PLCB4: variants seen among roughly 807,000 people sequenced by gnomAD.
The protein encoded by PLCB4 is phospholipase C beta 4.
A neutral mutation model predicts 178.8 loss-of-function variants in PLCB4; 77 were observed. That is an observed-to-expected ratio of 0.43 (90% CI 0.36 to 0.52). The LOEUF is 0.52. PLCB4 is among the 20% of genes least tolerant of loss of function. The pLI is 0.00. For synonymous variants in PLCB4, 496 were observed against 490.8 expected (o/e 1.01, Z -0.14); for missense variants, 1,024 against 1,453.4 (o/e 0.70, Z 4.80).
intron 12 of PLCB4, among the ~76,000 whole-genome samples, chr20:9,375,726 C>T (rs2036611851): frequency 6.6e-6 from 1 of 152,148 alleles, no homozygotes; most frequent in African/African-American, 2.4e-5. Flanking sequence ...GTCCTAGTCT[C>T]ATTTGCAGAT....
chr20:9,257,197 G>A (rs189767240), intron 3 of PLCB4, among the ~76,000 whole-genome samples: 7 of 152,290 alleles, frequency 4.6e-5, no homozygotes, highest in Middle Eastern at 3.4e-3. Context: ...TGGAAACAGG[G>A]CATGTAACTT....
At chr20:9,177,781 T>G (rs1052886613) in intron 2 of PLCB4, among the ~76,000 whole-genome samples, 1 of 152,236 alleles carries the variant, frequency 6.6e-6, no homozygotes, top group Non-Finnish European at 1.5e-5. Context: ...TCAGCGATTC[T>G]TAAGGGATTA....
At chr20:9,139,056 C>G (rs2146858296) in intron 2 of PLCB4, among the ~76,000 whole-genome samples, 1 of 152,196 alleles carries the variant, frequency 6.6e-6, no homozygotes, top group East Asian at 1.9e-4. Flanking sequence ...GGGAGAGGAA[C>G]AAAGTCCAGT....
intron 2 of PLCB4, among the ~76,000 whole-genome samples, chr20:9,114,817 T>G (rs183160743): frequency 6.6e-6 from 1 of 152,340 alleles, no homozygotes; most frequent in Non-Finnish European, 1.5e-5. Flanking sequence ...CATTTCTTCC[T>G]GTCAAAGCAC....
intron 7 of PLCB4, among the ~76,000 whole-genome samples, chr20:9,355,293 G>GTAT (rs905926879): frequency 8.6e-5 from 13 of 151,012 alleles, no homozygotes; most frequent in African/African-American, 1.7e-4. Flanking sequence ...TTTATATTTT[G>GTAT]TATTATTATT....
rs1327034536 is a variant in PLCB4 at position 9,338,032 on chromosome 20, C to T, written c.190C>T (p.Leu64Phe). The T allele has an allele frequency of 5.0e-6, 8 of 1,611,968 alleles. No homozygotes were observed. Among genetic ancestry groups the T allele is most frequent in the South Asian group, 3.3e-5 (3 of 91,042 alleles). The part of the protein sequence containing the change: ...GKEGQVLECS[L>F]INSIRSGAIP... ...GGAAGGACAGGTGCTAGAATGCTCC[C>T]TCATCAACAGTATTCGGTCGGGAGC... The change falls in exon 6 of 40, where the codon CTC becomes TTC. Residue 64 changes from leucine (L) to phenylalanine (F), a missense_variant. Transcript: ENST00000378473.
chr20:9,165,295 TC>T (rs2092951404), intron 2 of PLCB4, among the ~76,000 whole-genome samples: 1 of 152,238 alleles, frequency 6.6e-6, no homozygotes, highest in Non-Finnish European at 1.5e-5. Context: ...CGCTATACTT[TC>T]ATTTGGGAAA....
intron 2 of PLCB4, among the ~76,000 whole-genome samples, chr20:9,150,530 A>T (rs568120430): frequency 6.6e-6 from 1 of 152,306 alleles, no homozygotes; most frequent in South Asian, 2.1e-4. Context: ...TTTAGCATCA[A>T]ATTTGGTACA....
chr20:9,416,993 G>C (rs1199064955), intron 25 of PLCB4, among the ~76,000 whole-genome samples: 1 of 152,086 alleles, frequency 6.6e-6, no homozygotes, highest in Non-Finnish European at 1.5e-5. Flanking sequence ...TCCCTTTTGG[G>C]TTGTATTTTA....
At chr20:9,333,070 G>A (rs914335997) in intron 4 of PLCB4, among the ~76,000 whole-genome samples, 3 of 152,154 alleles carry the variant, frequency 2.0e-5, no homozygotes, top group African/African-American at 7.2e-5. Context: ...TGGGTTCTGG[G>A]CCTGATGCAG....
intron 28 of PLCB4, among the ~76,000 whole-genome samples, chr20:9,424,636 C>T (rs2148585909): frequency 6.6e-6 from 1 of 152,330 alleles, no homozygotes; most frequent in African/African-American, 2.4e-5. Flanking sequence ...CCACTGCTGG[C>T]AGGGTGATCT....
chr20:9,450,687 G>A lies in PLCB4; in HGVS notation c.2881-2660G>A, dbSNP rs562405274. On this transcript the variant is annotated intron_variant, in intron 32 of 39. Coordinates refer to ENST00000378473, the MANE Select transcript of PLCB4 (RefSeq NM_001377142.1). The stretch of plus-strand genomic sequence containing the variant: ...TTTTTTTTTTTTTTTTTGAGATGGA[G>A]TCTTGCTCTGTCATGCAGTGGCATG... Among the ~76,000 whole-genome samples, 11 of 125,302 alleles carry A rather than the reference G, an allele frequency of 8.8e-5. No individual in the cohort carries two copies. The South Asian group carries it at 2.9e-3, about 33-fold the overall frequency. The allele number at this position is 125,302 out of a possible 152,430, so 82.2% of individuals were successfully genotyped here.
At chr20:9,360,585 G>A (rs2057801973) in intron 7 of PLCB4, among the ~76,000 whole-genome samples, 1 of 151,610 alleles carries the variant, frequency 6.6e-6, no homozygotes, top group Admixed American at 6.6e-5. Context: ...CCAATTATTT[G>A]TGCTTTTTCT....
chr20:9,187,227 G>A (rs112032017), intron 2 of PLCB4, among the ~76,000 whole-genome samples: 25 of 151,926 alleles, frequency 1.6e-4, no homozygotes, highest in Non-Finnish European at 2.8e-4. Flanking sequence ...TGTCCGCCTC[G>A]GCCTCCCAAA....
At chr20:9,187,236 A>G (rs746441928) in intron 2 of PLCB4, among the ~76,000 whole-genome samples, 5 of 151,866 alleles carry the variant, frequency 3.3e-5, no homozygotes, top group Non-Finnish European at 7.4e-5. Context: ...CGGCCTCCCA[A>G]AGTCCTGGGA....
In PLCB4 at chr20:9,479,096, T is replaced by A; in HGVS notation, c.*87T>A. The A allele has an allele frequency of 1.1e-6, 1 of 903,774 alleles. No homozygotes were observed. Among genetic ancestry groups the A allele is most frequent in the Non-Finnish European group, 1.8e-6 (1 of 555,448 alleles). 56.0% of individuals were successfully genotyped at this position (903,774 alleles called of 1,614,324 possible). On this transcript the variant is annotated 3_prime_UTR_variant, in exon 40 of 40. Transcript: ENST00000378473. ...GATGAAAGCTGTTTATTTTGTTTCC[T>A]TTATGTGTAAACAAGATGATATCTG...
At chr20:9,242,134 A>G (rs2094070405) in intron 3 of PLCB4, among the ~76,000 whole-genome samples, 1 of 152,128 alleles carries the variant, frequency 6.6e-6, no homozygotes, top group Admixed American at 6.6e-5. Context: ...CCCAAGGTGA[A>G]CCGTAGAGTC....
At chr20:9,373,715 G>A (rs2036440507) in intron 12 of PLCB4, among the ~76,000 whole-genome samples, 1 of 152,236 alleles carries the variant, frequency 6.6e-6, no homozygotes, top group Non-Finnish European at 1.5e-5. Context: ...GCTAATTTTA[G>A]AATGTGATTA....
chr20:9,389,205 C>T (rs1307622370), intron 15 of PLCB4, among the ~76,000 whole-genome samples: 1 of 152,106 alleles, frequency 6.6e-6, no homozygotes, highest in Non-Finnish European at 1.5e-5. Context: ...ATGTTTAGCT[C>T]CTTCAAATGT....
Sources: gnomAD v4.1 joint callset for allele counts (sites outside exome capture counted in the v4.1 genomes callset) on GRCh38, gnomAD v4.1.1 for gene constraint, MANE v1.5 for transcripts, NCBI Gene and HGNC (gene_info 2026-07-23, HGNC 2026-07-21) for gene names.